ARB2A: variants seen among roughly 807,000 people sequenced by gnomAD.
ARB2A encodes the protein ARB2 cotranscriptional regulator A, also known as cotranscriptional regulator ARB2A.
At chr5:93,724,156 A>T in the ARB2A span, among the ~76,000 whole-genome samples, 1 of 152,098 alleles carries the variant, frequency 6.6e-6, no homozygotes, top group South Asian at 2.1e-4. Flanking sequence ...AGTAAAAATG[A>T]TCGGTGAATG....
At chr5:93,687,565 C>T in the ARB2A span, among the ~76,000 whole-genome samples, 2 of 152,230 alleles carry the variant, frequency 1.3e-5, no homozygotes, top group East Asian at 3.9e-4. Context: ...CATACTACTA[C>T]ATGAAAAATA....
the ARB2A span, among the ~76,000 whole-genome samples, chr5:93,665,715 A>G: frequency 1.3e-5 from 2 of 152,212 alleles, no homozygotes. Context: ...ATGATAAGAC[A>G]TCATAGCGTG....
chr5:93,725,623 C>T, the ARB2A span, among the ~76,000 whole-genome samples: 4 of 151,976 alleles, frequency 2.6e-5, no homozygotes, highest in Non-Finnish European at 5.9e-5. Flanking sequence ...AAGGACCTTG[C>T]TAATCCCAAA....
the ARB2A span, among the ~76,000 whole-genome samples, chr5:93,794,024 G>T: frequency 6.6e-6 from 1 of 152,168 alleles, no homozygotes; most frequent in Admixed American, 6.5e-5. Context: ...CACTCCCAAG[G>T]GCTGAGGCAG....
the ARB2A span, among the ~76,000 whole-genome samples, chr5:93,767,993 CAAAAAAAAA>C: frequency 2.9e-4 from 6 of 20,944 alleles, no homozygotes; most frequent in South Asian, 5.0e-3. Flanking sequence ...GACTCCATCT[CAAAAAAAAA>C]AAAAAAAAAA....
the ARB2A span, among the ~76,000 whole-genome samples, chr5:93,857,378 G>T: frequency 2.0e-5 from 3 of 152,168 alleles, no homozygotes; most frequent in African/African-American, 7.2e-5. Flanking sequence ...TCTGTGCCCT[G>T]CCCCCAGAGA....
At chr5:93,719,975 T>C in the ARB2A span, among the ~76,000 whole-genome samples, 1 of 152,210 alleles carries the variant, frequency 6.6e-6, no homozygotes, top group South Asian at 2.1e-4. Context: ...AAAAGAGATG[T>C]GCATCATTTT....
chr5:93,765,071 A>G, the ARB2A span, among the ~76,000 whole-genome samples: 2 of 152,186 alleles, frequency 1.3e-5, no homozygotes, highest in South Asian at 2.1e-4. Flanking sequence ...ATATATGACA[A>G]ACGCACAGCC....
the ARB2A span, among the ~76,000 whole-genome samples, chr5:93,877,565 C>A: frequency 1.3e-5 from 2 of 151,804 alleles, no homozygotes; most frequent in Non-Finnish European, 2.9e-5. Context: ...AAAGCACGCT[C>A]AAAGATCTAA....
At chr5:93,714,251 A>T in the ARB2A span, among the ~76,000 whole-genome samples, 31 of 152,330 alleles carry the variant, frequency 2.0e-4, no homozygotes, top group Admixed American at 4.6e-4. Context: ...TTTATCCCAT[A>T]GTATTATATG....
At chr5:93,866,624 T>C in the ARB2A span, among the ~76,000 whole-genome samples, 1 of 152,170 alleles carries the variant, frequency 6.6e-6, no homozygotes, top group Non-Finnish European at 1.5e-5. Context: ...CGGTTTTGTA[T>C]ATGCAGGTTT....
At chr5:93,995,646 G>T in the ARB2A span, among the ~76,000 whole-genome samples, 1 of 152,070 alleles carries the variant, frequency 6.6e-6, no homozygotes. Flanking sequence ...ACTATGTGAG[G>T]AGTCAGCACC....
the ARB2A span, among the ~76,000 whole-genome samples, chr5:94,057,549 T>C: frequency 6.6e-6 from 1 of 152,240 alleles, no homozygotes; most frequent in Non-Finnish European, 1.5e-5. Flanking sequence ...TTTTACATTA[T>C]GTCTATTTCA....
chr5:93,805,584 G>A, the ARB2A span: 1 of 984,914 alleles, frequency 1.0e-6, no homozygotes, highest in African/African-American at 1.7e-5. Context: ...TTACACAGAG[G>A]TCACAATCCT....
chr5:93,968,061 A>C, the ARB2A span, among the ~76,000 whole-genome samples: 2 of 152,122 alleles, frequency 1.3e-5, no homozygotes, highest in Non-Finnish European at 2.9e-5. Context: ...AACAATAAAC[A>C]CAATCTAATG....
At chr5:93,852,551 A>T in the ARB2A span, among the ~76,000 whole-genome samples, 10 of 152,128 alleles carry the variant, frequency 6.6e-5, no homozygotes, top group South Asian at 2.1e-4. Context: ...CTGAATGGTA[A>T]TGCCTAGGTT....
At chr5:93,713,635 G>T in the ARB2A span, among the ~76,000 whole-genome samples, 2 of 152,112 alleles carry the variant, frequency 1.3e-5, no homozygotes, top group Non-Finnish European at 2.9e-5. Flanking sequence ...CACTGTGGAG[G>T]TTCCCAAAAA....
chr5:93,989,357 T>C, the ARB2A span, among the ~76,000 whole-genome samples: 2 of 152,290 alleles, frequency 1.3e-5, no homozygotes, highest in Non-Finnish European at 2.9e-5. Flanking sequence ...TTTCTATCTG[T>C]GACAAAGTCA....
the ARB2A span, among the ~76,000 whole-genome samples, chr5:94,110,076 G>T: frequency 6.6e-6 from 1 of 151,928 alleles, no homozygotes; most frequent in Admixed American, 6.6e-5. Flanking sequence ...AGTAGAGACG[G>T]GGTTCACCGT....
Sources: allele counts gnomAD v4.1 joint callset (sites outside exome capture counted in the v4.1 genomes callset), GRCh38; gene constraint gnomAD v4.1.1; transcripts MANE v1.5; gene names NCBI Gene and HGNC (gene_info 2026-07-23, HGNC 2026-07-21).